PRSS23: variants seen among roughly 807,000 people sequenced by gnomAD.
PRSS23 encodes protease, serine 23.
A neutral mutation model predicts 34.7 loss-of-function variants in PRSS23; 25 were observed. The ratio of observed to expected loss-of-function variants is 0.72; its 90% confidence interval spans 0.53 to 1.01. The LOEUF (loss-of-function observed/expected upper bound fraction) is 1.01. Ranked by LOEUF, PRSS23 falls within the 50% of genes least tolerant of loss-of-function variation. The pLI, the probability that PRSS23 is intolerant of heterozygous loss-of-function variation, is 0.00. For missense variants in PRSS23, 445 were observed against 475.6 expected (o/e 0.94, Z 0.60); for synonymous variants, 176 against 186.6 (o/e 0.94, Z 0.46).
intron 2 of PRSS23, among the ~76,000 whole-genome samples, chr11:86,880,335 GA>G (rs1413848250): frequency 6.6e-6 from 1 of 150,574 alleles, no homozygotes; most frequent in Non-Finnish European, 1.5e-5. Context: ...CTCTGCATAG[GA>G]AAACCAGAGA....
chr11:86,951,454 C>T lies in PRSS23; in HGVS notation c.*169C>T, dbSNP rs1395375724. 1.2e-6 allele frequency: 2 copies of T among 1,613,808 alleles called. No individual in the cohort carries two copies. The highest frequency in any genetic ancestry group is 1.7e-6 in the Non-Finnish European group (2 of 1,179,676). On this transcript the variant is annotated 3_prime_UTR_variant, in exon 3 of 3. Coordinates refer to the PRSS23 transcript ENST00000533902. ...GTACTGAGAACACCCCAATCTTGAC[C>T]ATCAGTCTTTCTAACTTGTCTGTCT...
intron 2 of PRSS23, among the ~76,000 whole-genome samples, chr11:86,942,574 T>C (rs1438757292): frequency 1.3e-5 from 2 of 152,160 alleles, no homozygotes; most frequent in African/African-American, 4.8e-5. Flanking sequence ...GGAAACCAGG[T>C]GGAAAGCTGA....
chr11:86,794,076 GA>G (rs1162681350), intron 1 of PRSS23, among the ~76,000 whole-genome samples: 1 of 152,034 alleles, frequency 6.6e-6, no homozygotes, highest in Non-Finnish European at 1.5e-5. Flanking sequence ...CAAATATCCA[GA>G]CCCCACACTG....
chr11:86,922,029 G>C (rs568011511), intron 2 of PRSS23: 32 of 152,268 alleles, frequency 2.1e-4, no homozygotes, highest in African/African-American at 7.2e-4. Context: ...AGCTGAGAGG[G>C]ATCAAGAAAT....
Position 86,824,776 on chromosome 11 carries a change from A to C in PRSS23, c.206+1183A>C, listed in dbSNP as rs543598804. 2.2e-4 allele frequency among the ~76,000 whole-genome samples: 33 copies of C among 151,908 alleles called. 1 individual carries two copies. Among genetic ancestry groups the C allele is most frequent in the Non-Finnish European group, 1.2e-4 (8 of 67,968 alleles). On this transcript the variant is annotated intron_variant, in intron 2 of 2. Coordinates refer to the PRSS23 transcript ENST00000533902. ...TAGTTTACTGAGAATGATGATTTCC[A>C]ATTTTATCCATGTCCCTACAAAGGA...
chr11:86,807,594 C>T (rs1948116362), intron 1 of PRSS23, 37 bp from the exon 2 acceptor site: 1 of 1,518,420 alleles, frequency 6.6e-7, no homozygotes, highest in Non-Finnish European at 8.9e-7. Context: ...AACGTTCAGC[C>T]CTTGCCCTCC....
chr11:86,832,359 G>T lies in PRSS23; in HGVS notation c.206+8766G>T, dbSNP rs76656254. Among the ~76,000 whole-genome samples the T allele has an allele frequency of 9.0e-3, 1,368 of 152,072 alleles. 13 individuals carry two copies. Among genetic ancestry groups the T allele is most frequent in the African/African-American group, 0.032 (1,324 of 41,454 alleles). On this transcript the variant is annotated intron_variant, in intron 2 of 2. Transcript: ENST00000533902. ...TATGGCTTCTAATATCACAGTGGGT[G>T]TACTCCATGTGTGTACACTCTGTGA...
intron 2 of PRSS23, among the ~76,000 whole-genome samples, chr11:86,867,351 AG>A (rs1162909603): frequency 6.6e-6 from 1 of 152,184 alleles, no homozygotes; most frequent in Non-Finnish European, 1.5e-5. Flanking sequence ...AGGCTCTATC[AG>A]GGCTGATTTC....
intron 2 of PRSS23, among the ~76,000 whole-genome samples, chr11:86,831,821 C>A (rs902880077): frequency 1.3e-5 from 2 of 151,958 alleles, no homozygotes; most frequent in Non-Finnish European, 2.9e-5. Context: ...CGGGTATACA[C>A]CCTGTCATAT....
chr11:86,862,885 G>A (rs1338047246), intron 2 of PRSS23, among the ~76,000 whole-genome samples: 1 of 151,750 alleles, frequency 6.6e-6, no homozygotes, highest in Non-Finnish European at 1.5e-5. Context: ...AATATTCTAG[G>A]GAGATATTAC....
intron 2 of PRSS23, among the ~76,000 whole-genome samples, chr11:86,945,493 T>G (rs1286130937): frequency 1.3e-5 from 2 of 152,218 alleles, no homozygotes; most frequent in African/African-American, 2.4e-5. Flanking sequence ...CCTTAGACTG[T>G]GGGGGTTTGC....
In PRSS23 at chr11:86,821,742, T is replaced by A. The variant is rs1330295458; in HGVS notation, c.-11-1635T>A. 4 of 1,335,586 alleles carry A rather than the reference T, an allele frequency of 3.0e-6. No individual in the cohort carries two copies. In the Admixed American group the frequency reaches 8.0e-5, roughly 27 times the overall value. 82.7% of individuals were successfully genotyped at this position (1,335,586 alleles called of 1,614,324 possible). On this transcript the variant is annotated intron_variant, in intron 1 of 2. Transcript: ENST00000533902. The stretch of plus-strand genomic sequence containing the variant: ...GTGTACTGTCTATTTCTTCAAAGTG[T>A]TCGTCAGGCCAATTATAAAAATCCT...
At chr11:86,847,825 G>T (rs1948499073) in intron 2 of PRSS23, among the ~76,000 whole-genome samples, 1 of 152,114 alleles carries the variant, frequency 6.6e-6, no homozygotes, top group East Asian at 1.9e-4. Flanking sequence ...AAGGTAAATG[G>T]AGTGAAGTCC....
chr11:86,821,909 G>A (rs1565355545), intron 1 of PRSS23, among the ~76,000 whole-genome samples: 1 of 152,088 alleles, frequency 6.6e-6, no homozygotes, highest in Non-Finnish European at 1.5e-5. Flanking sequence ...GGATTTTAAA[G>A]AAAAAGCACT....
At chr11:86,833,411 G>A (rs1948376677) in intron 2 of PRSS23, 2 of 608,078 alleles carry the variant, frequency 3.3e-6, no homozygotes, top group Admixed American at 3.9e-5. Context: ...TCCTCTGAGA[G>A]TTCTAGGAGG....
At chr11:86,900,153 C>T (rs1948901912) in intron 2 of PRSS23, among the ~76,000 whole-genome samples, 1 of 152,184 alleles carries the variant, frequency 6.6e-6, no homozygotes, top group Admixed American at 6.5e-5. Flanking sequence ...TCACTTAAGA[C>T]TGGTATCTTG....
At chr11:86,814,977 C>T (rs895246507), downstream of PRSS23, among the ~76,000 whole-genome samples, 1 of 152,220 alleles carries the variant, frequency 6.6e-6, no homozygotes, top group African/African-American at 2.4e-5. Context: ...TGCCCCTTGT[C>T]TTCGGGCTAT....
At chr11:86,846,874 C>T (rs1948490247) in intron 2 of PRSS23, among the ~76,000 whole-genome samples, 1 of 152,166 alleles carries the variant, frequency 6.6e-6, no homozygotes, top group Non-Finnish European at 1.5e-5. Flanking sequence ...TAGTCCCCCA[C>T]ATCAGGATAA....
chr11:86,800,738 C>A, intron 1 of PRSS23, 87 bp downstream of exon 1: 1 of 797,156 alleles, frequency 1.3e-6, no homozygotes, highest in Non-Finnish European at 1.5e-6. Flanking sequence ...CGGGTATGCG[C>A]GGGGTAGGGT....
Sources: allele counts gnomAD v4.1 joint callset (sites outside exome capture counted in the v4.1 genomes callset), GRCh38; gene constraint gnomAD v4.1.1; transcripts MANE v1.5; gene names NCBI Gene and HGNC (gene_info 2026-07-23, HGNC 2026-07-21).